ATRNL1: variants seen among roughly 807,000 people sequenced by gnomAD.
The protein encoded by ATRNL1 is attractin like 1, also known as attractin-like protein 1.
Under a neutral mutation model 182.7 loss-of-function variants are expected in ATRNL1, and 95 were observed. The observed-to-expected ratio is 0.52, with a 90% CI of 0.44 to 0.62. The LOEUF (loss-of-function observed/expected upper bound fraction) is 0.62, where lower values mean the gene tolerates loss of function less well. Ranked by LOEUF, ATRNL1 falls within the 20% of genes least tolerant of loss-of-function variation. The pLI is 0.00. For synonymous variants in ATRNL1, 576 were observed against 568.3 expected (o/e 1.01, Z -0.19); for missense variants, 1,471 against 1,679.5 (o/e 0.88, Z 2.17).
At chr10:115,383,679 C>CA (rs1233156126) in intron 19 of ATRNL1, among the ~76,000 whole-genome samples, 1 of 151,826 alleles carries the variant, frequency 6.6e-6, no homozygotes, top group African/African-American at 2.4e-5. Context: ...CAAAAATATA[C>CA]AAATATTCAG....
intron 1 of ATRNL1, among the ~76,000 whole-genome samples, chr10:115,113,154 G>A (rs1268880642): frequency 6.6e-6 from 1 of 152,072 alleles, no homozygotes; most frequent in East Asian, 1.9e-4. Context: ...CAGTTTTTTG[G>A]GATGCTAAAG....
chr10:115,468,973 T>C (rs1286320105), intron 23 of ATRNL1, among the ~76,000 whole-genome samples, 199 bp from the exon 24 acceptor site: 2 of 150,754 alleles, frequency 1.3e-5, no homozygotes, highest in Non-Finnish European at 3.0e-5. Flanking sequence ...TAATCAGTGG[T>C]AGCATTTTTA....
At chr10:115,500,936 T>G (rs1444372440) in intron 24 of ATRNL1, among the ~76,000 whole-genome samples, 2 of 143,584 alleles carry the variant, frequency 1.4e-5, no homozygotes, top group African/African-American at 5.2e-5. Context: ...TTTTTTTTTT[T>G]TTTTTTTTTG....
rs10546896 is a variant in ATRNL1, at chr10:115,738,126, A to ATTTTTTTTT, written c.3903+10793_3903+10801dup. Among the ~76,000 whole-genome samples the ATTTTTTTTT allele has an allele frequency of 4.1e-3, 195 of 47,092 alleles. 37 individuals are homozygous for ATTTTTTTTT. Among genetic ancestry groups the ATTTTTTTTT allele is most frequent in the African/African-American group, 0.011 (170 of 15,222 alleles). The allele number at this position is 47,092 out of a possible 152,430, so 30.9% of individuals were successfully genotyped here. ...ATAAAAAATGATTTAGAAGATAATGATTTTTTTTTTTTTTTTTTTTTTTTT... is the reference window on the plus strand; with the variant it reads ...ATAAAAAATGATTTAGAAGATAATGATTTTTTTTTTTTTTTTTTTTTTTTTTTTTTTTTT... On this transcript the variant is annotated intron_variant, in intron 27 of 28. Coordinates refer to ENST00000355044, the MANE Select transcript of ATRNL1 (RefSeq NM_207303.4).
At chr10:115,914,560 G>A (rs1358262883) in intron 28 of ATRNL1, among the ~76,000 whole-genome samples, 2 of 152,138 alleles carry the variant, frequency 1.3e-5, no homozygotes, top group East Asian at 1.9e-4. Context: ...CCAGGTGCCT[G>A]GTGTATTTCT....
chr10:115,128,028 G>T lies in ATRNL1; in HGVS notation c.620+307G>T, dbSNP rs139083639. ...TAGCAACAGATGTGGTGAGACTGCA[G>T]GGAGTTGTGAACTGCCTTTCAGTGC... is the stretch of plus-strand genomic sequence containing the variant. On this transcript the variant is annotated intron_variant, in intron 4 of 28. Transcript: ENST00000355044. Among the ~76,000 whole-genome samples, 38 of 152,318 alleles carry T rather than the reference G, an allele frequency of 2.5e-4. No homozygotes were observed. The East Asian group carries it at 7.1e-3, about 29-fold the overall frequency.
intron 28 of ATRNL1, among the ~76,000 whole-genome samples, chr10:115,849,823 G>C (rs781949135): frequency 1.1e-4 from 16 of 152,086 alleles, no homozygotes; most frequent in Non-Finnish European, 1.9e-4. Context: ...TAGCATTCCA[G>C]GTAATTGTTC....
intron 15 of ATRNL1, 81 bp downstream of exon 15, chr10:115,286,478 A>T (rs1554918989): frequency 1.2e-6 from 1 of 865,574 alleles, no homozygotes. Flanking sequence ...TGGTTTTAAT[A>T]CATTATTGTT....
chr10:115,121,891 A>C, intron 3 of ATRNL1, 79 bp downstream of exon 3: 1 of 613,422 alleles, frequency 1.6e-6, no homozygotes, highest in East Asian at 3.0e-5. Flanking sequence ...ATGTACTGCA[A>C]AATAAATTTA....
At chr10:115,443,669 G>C (rs1478379352) in intron 21 of ATRNL1, among the ~76,000 whole-genome samples, 1 of 151,772 alleles carries the variant, frequency 6.6e-6, no homozygotes, top group Admixed American at 6.6e-5. Flanking sequence ...ATATTCTCTA[G>C]ACTTTCTATT....
At chr10:115,317,803 G>C (rs1854378592) in intron 18 of ATRNL1, among the ~76,000 whole-genome samples, 1 of 152,152 alleles carries the variant, frequency 6.6e-6, no homozygotes, top group Non-Finnish European at 1.5e-5. Context: ...GGGCTGAAAT[G>C]ATGGGGTTTT....
At chr10:115,687,065 T>C (rs1946241249) in intron 26 of ATRNL1, among the ~76,000 whole-genome samples, 1 of 152,062 alleles carries the variant, frequency 6.6e-6, no homozygotes, top group Admixed American at 6.6e-5. Context: ...TGGATTTTCC[T>C]GATGATTAGC....
intron 28 of ATRNL1, among the ~76,000 whole-genome samples, chr10:115,939,390 A>G (rs781860213): frequency 2.6e-5 from 4 of 152,186 alleles, no homozygotes; most frequent in Non-Finnish European, 5.9e-5. Context: ...GTTCCTTCCT[A>G]TGCGGTTTAT....
At chr10:115,325,538 T>TA (rs1854827714) in intron 18 of ATRNL1, among the ~76,000 whole-genome samples, 1 of 152,214 alleles carries the variant, frequency 6.6e-6, no homozygotes, top group South Asian at 2.1e-4. Flanking sequence ...TTTCTGCAGG[T>TA]AGGTCTAAAG....
intron 19 of ATRNL1, among the ~76,000 whole-genome samples, chr10:115,392,666 G>A (rs2134273584): frequency 6.6e-6 from 1 of 152,216 alleles, no homozygotes; most frequent in Admixed American, 6.5e-5. Context: ...TGTGAGAGAT[G>A]CACAATGGCT....
chr10:115,830,054 A>G (rs538149468), intron 27 of ATRNL1, among the ~76,000 whole-genome samples: 5 of 152,322 alleles, frequency 3.3e-5, no homozygotes, highest in African/African-American at 1.2e-4. Context: ...CTTTGTTACT[A>G]CAGAATTCTC....
At chr10:115,373,184 A>C (rs183631091) in intron 19 of ATRNL1, among the ~76,000 whole-genome samples, 4 of 152,230 alleles carry the variant, frequency 2.6e-5, no homozygotes, top group African/African-American at 9.6e-5. Flanking sequence ...GTTAGTGTAT[A>C]GAAATGCTGC....
In ATRNL1 at chr10:115,426,238, G is replaced by A; in HGVS notation, c.3270-12G>A. The A allele has an allele frequency of 6.2e-7, 1 of 1,610,576 alleles. No homozygotes were observed. The highest frequency in any genetic ancestry group is 8.5e-7 in the Non-Finnish European group (1 of 1,177,796). On this transcript the variant is annotated splice_polypyrimidine_tract_variant and intron_variant, in intron 20 of 28. Coordinates refer to ENST00000355044, the MANE Select transcript of ATRNL1 (RefSeq NM_207303.4). The stretch of plus-strand genomic sequence containing the variant: ...ATTGTTTAATAGTAAATGAGTTTTT[G>A]TGTTTCTGCAGATGTGACTCTGAAA...
intron 26 of ATRNL1, among the ~76,000 whole-genome samples, chr10:115,686,317 G>A (rs1189402037): frequency 1.3e-5 from 2 of 151,944 alleles, no homozygotes; most frequent in Admixed American, 1.3e-4. Context: ...TACAGCAAAA[G>A]ACTCTGCTTC....
Sources: gnomAD v4.1 joint callset for allele counts (sites outside exome capture counted in the v4.1 genomes callset) on GRCh38, gnomAD v4.1.1 for gene constraint, MANE v1.5 for transcripts, NCBI Gene and HGNC (gene_info 2026-07-23, HGNC 2026-07-21) for gene names.